ABCA1: variants seen among roughly 807,000 people sequenced by gnomAD.
The protein encoded by ABCA1 is phospholipid-transporting ATPase ABCA1.
ABCA1 carries 133 observed loss-of-function variants against 262.5 expected under a neutral mutation model. That is an observed-to-expected ratio of 0.51 (90% CI 0.44 to 0.59). The LOEUF (loss-of-function observed/expected upper bound fraction) is 0.59, where lower values mean the gene tolerates loss of function less well. Ranked by LOEUF, ABCA1 falls within the 20% of genes least tolerant of loss-of-function variation. ABCA1 has a pLI of 0.00. For missense variants in ABCA1, 2,452 were observed against 2,777.5 expected, an observed-to-expected ratio of 0.88 and a Z score of 2.63; for synonymous variants, 1,022 against 1,043.5, an observed-to-expected ratio of 0.98 and a Z score of 0.40.
At chr9:104,801,247 T>C (rs1419239439) in intron 34 of ABCA1, among the ~76,000 whole-genome samples, 1 of 152,124 alleles carries the variant, frequency 6.6e-6, no homozygotes, top group Non-Finnish European at 1.5e-5. Context: ...TGAGATGGAG[T>C]CTTGCTCTGT....
chr9:104,806,148 C>T (rs1830742051), intron 31 of ABCA1, 93 bp downstream of exon 31: 2 of 1,324,502 alleles, frequency 1.5e-6, no homozygotes, highest in Non-Finnish European at 2.1e-6. Context: ...CAGACCCTCC[C>T]AACATGATAT....
intron 10 of ABCA1, 89 bp from the exon 11 acceptor site, chr9:104,837,185 A>C: frequency 8.5e-7 from 1 of 1,180,650 alleles, no homozygotes; most frequent in East Asian, 2.4e-5. Flanking sequence ...AAGATACCCC[A>C]TCACAGCAGC....
At position 104,862,701 on chromosome 9, in the gene ABCA1, G is replaced by GCCGGCCCCCCACCCCCA. The variant is rs1554729705; in HGVS notation, c.422-902_422-901insTGGGGGTGGGGGGCCGG. ...GGCCGGGCCGGGCCGGGCCGGGCCG[G>GCCGGCCCCCCACCCCCA]CCCCCACCCCCACCCCCACCCCCAC... is the stretch of plus-strand genomic sequence containing the variant. On this transcript the variant is annotated intron_variant, in intron 5 of 49. Transcript: ENST00000374736. Among the ~76,000 whole-genome samples, 2 of 1,816 alleles carry GCCGGCCCCCCACCCCCA rather than the reference G, an allele frequency of 1.1e-3. 1 individual carries two copies. The highest frequency in any genetic ancestry group is 3.3e-3 in the African/African-American group (2 of 608). 1.2% of individuals were successfully genotyped at this position (1,816 alleles called of 152,430 possible). A position where few individuals can be genotyped will look rare whatever the true frequency, so the allele number is the denominator to read the frequency against.
intron 30 of ABCA1, among the ~76,000 whole-genome samples, chr9:104,806,976 A>G (rs187703923): frequency 6.6e-6 from 1 of 152,364 alleles, no homozygotes; most frequent in African/African-American, 2.4e-5. Context: ...AAGCTGGGCA[A>G]AAGCTTGGCA....
chr9:104,816,036 A>G, intron 25 of ABCA1, 107 bp downstream of exon 25: 1 of 1,268,920 alleles, frequency 7.9e-7, no homozygotes, highest in South Asian at 1.2e-5. Flanking sequence ...TGACCTAAAA[A>G]CTCAATGACT....
chr9:104,785,992 G>A (rs960907284), intron 48 of ABCA1, among the ~76,000 whole-genome samples: 3 of 152,122 alleles, frequency 2.0e-5, no homozygotes, highest in African/African-American at 4.8e-5. Context: ...CAAAGCTTGC[G>A]CTCTCACCAG....
chr9:104,904,365 C>T (rs967011776), intron 1 of ABCA1, among the ~76,000 whole-genome samples: 45 of 152,146 alleles, frequency 3.0e-4, no homozygotes, highest in African/African-American at 1.0e-3. Flanking sequence ...GTCAAGAAAT[C>T]GAGACCATCC....
intron 1 of ABCA1, among the ~76,000 whole-genome samples, chr9:104,926,664 A>T (rs778394026): frequency 2.0e-5 from 3 of 151,756 alleles, no homozygotes; most frequent in African/African-American, 7.3e-5. Context: ...CGCGCCCAGC[A>T]CCCCCACCCT....
At chr9:104,787,086 A>G (rs1287208057) in intron 46 of ABCA1, 110 bp from the exon 47 acceptor site, 1 of 831,304 alleles carries the variant, frequency 1.2e-6, no homozygotes, top group Non-Finnish European at 1.9e-6. Flanking sequence ...TTAACTTGCC[A>G]TTCTAGTTAT....
rs948858605 is a variant in ABCA1 at position 104,837,161 on chromosome 9, G to A, written c.1195-65C>T. The A allele has an allele frequency of 4.2e-5, 57 of 1,344,400 alleles. No individual in the cohort carries two copies. In the African/African-American group the frequency reaches 7.9e-4, roughly 19 times the overall value. The allele number at this position is 1,344,400 out of a possible 1,614,324, so 83.3% of individuals were successfully genotyped here. A position where few individuals can be genotyped will look rare whatever the true frequency, so the allele number is the denominator to read the frequency against. On this transcript the variant is annotated intron_variant, in intron 10 of 49. Coordinates refer to ENST00000374736, the MANE Select transcript of ABCA1 (RefSeq NM_005502.4). ...GGAGAAGCACAGACAATGAGCGTTT[G>A]GCTCCTCCCTGAAAAGATACCCCAT...
Position 104,825,724 on chromosome 9 carries a change from A to G in ABCA1, c.2501T>C (p.Leu834Pro). 2 of 1,614,246 alleles carry G rather than the reference A, an allele frequency of 1.2e-6. No homozygotes were observed. Among genetic ancestry groups the G allele is most frequent in the Non-Finnish European group, 1.7e-6 (2 of 1,180,044 alleles). The change falls in exon 17 of 50, where the codon CTC becomes CCC. Residue 834 changes from leucine (L) to proline (P), a missense_variant. Around this residue, in one of 4 missense-constraint regions of ABCA1, gnomAD observed 1,032 missense variants for 1,089.7 expected, o/e 0.95. Transcript: ENST00000374736. ...SVSMMLFDTF[L>P]YGVMTWYIEA... is the part of the protein sequence containing the mutation. ...AATGTACCAGGTCATCACCCCATAG[A>G]GGAAGGTGTCAAACAGCATCATGGA...
At chr9:104,815,881 T>C (rs1039228726) in intron 25 of ABCA1, among the ~76,000 whole-genome samples, 1 of 152,148 alleles carries the variant, frequency 6.6e-6, no homozygotes, top group African/African-American at 2.4e-5. Flanking sequence ...GAGTTTAAGG[T>C]TGGGATGTAA....
At chr9:104,806,572 T>C (rs1194777502) in intron 30 of ABCA1, 142 bp from the exon 31 acceptor site, 1 of 794,436 alleles carries the variant, frequency 1.3e-6, no homozygotes, top group African/African-American at 1.7e-5. Flanking sequence ...ATGATCTCAT[T>C]TGATTGCTTG....
intron 1 of ABCA1, among the ~76,000 whole-genome samples, chr9:104,921,197 C>T (rs936887359): frequency 6.6e-6 from 1 of 151,982 alleles, no homozygotes; most frequent in African/African-American, 2.4e-5. Context: ...AACTAAATAC[C>T]AGCTATCACA....
intron 5 of ABCA1, among the ~76,000 whole-genome samples, chr9:104,881,961 T>C (rs1838692631): frequency 6.8e-6 from 1 of 147,678 alleles, no homozygotes; most frequent in African/African-American, 2.5e-5. Flanking sequence ...TTGCTTCCCT[T>C]TGTCATCAGG....
chr9:104,856,228 A>C (rs1564187419), intron 7 of ABCA1: 1 of 1,378,246 alleles, frequency 7.3e-7, no homozygotes, highest in Non-Finnish European at 9.5e-7. Context: ...AATGTTTGGA[A>C]GTCATTTCAT....
intron 1 of ABCA1, among the ~76,000 whole-genome samples, chr9:104,904,564 CAAA>C (rs35949087): frequency 3.9e-5 from 3 of 76,966 alleles, no homozygotes; most frequent in African/African-American, 5.0e-5. Flanking sequence ...GACTCTGTCT[CAAA>C]AAAAAAAAAA....
At chr9:104,792,076 A>G (rs1452252180) in intron 42 of ABCA1, 78 bp from the exon 43 acceptor site, 1 of 1,254,878 alleles carries the variant, frequency 8.0e-7, no homozygotes, top group East Asian at 2.5e-5. Context: ...AGGCAGGACT[A>G]TAAACCACAT....
intron 5 of ABCA1, among the ~76,000 whole-genome samples, chr9:104,863,672 A>G (rs1332671520): frequency 6.6e-6 from 1 of 152,228 alleles, no homozygotes; most frequent in Non-Finnish European, 1.5e-5. Context: ...ATTGAGCAAG[A>G]TTTACATCGC....
Sources: allele counts gnomAD v4.1 joint callset (sites outside exome capture counted in the v4.1 genomes callset), GRCh38; gene constraint gnomAD v4.1.1; regional missense constraint gnomAD v4.1.1; transcripts MANE v1.5; gene names NCBI Gene and HGNC (gene_info 2026-07-23, HGNC 2026-07-21).